The following PITPNC1 variants were observed in gnomAD, a reference collection of about 807,000 sequenced individuals.
The protein encoded by PITPNC1 is cytoplasmic phosphatidylinositol transfer protein 1.
Under a neutral mutation model 44.7 loss-of-function variants are expected in PITPNC1, and 18 were observed. The observed-to-expected ratio is 0.40, with a 90% confidence interval of 0.28 to 0.60. The LOEUF is 0.60. PITPNC1 is among the 20% of genes least tolerant of loss of function. The probability of loss-of-function intolerance (pLI) is 0.39; values close to 1 mark genes in which losing one functional copy is unlikely to be tolerated. For synonymous variants in PITPNC1, 141 were observed against 149.6 expected, an observed-to-expected ratio of 0.94 and a Z score of 0.42; for missense variants, 290 against 418.4, an observed-to-expected ratio of 0.69 and a Z score of 2.68.
intron 1 of PITPNC1, among the ~76,000 whole-genome samples, chr17:67,385,900 C>T (rs944654023): frequency 6.6e-6 from 1 of 152,184 alleles, no homozygotes. Flanking sequence ...GCTGCATTTT[C>T]CCAGTGACTT....
chr17:67,540,002 T>C (rs939592464), intron 2 of PITPNC1, among the ~76,000 whole-genome samples: 1 of 152,096 alleles, frequency 6.6e-6, no homozygotes, highest in African/African-American at 2.4e-5. Context: ...CACCCTCAGG[T>C]TGTGGTTACC....
At chr17:67,447,962 T>G (rs2039123712) in intron 1 of PITPNC1, among the ~76,000 whole-genome samples, 1 of 151,004 alleles carries the variant, frequency 6.6e-6, no homozygotes, top group Non-Finnish European at 1.5e-5. Flanking sequence ...CTTTCTTTCT[T>G]TCAGATGGGG....
chr17:67,547,399 G>T (rs533437023), intron 2 of PITPNC1, among the ~76,000 whole-genome samples: 9 of 152,096 alleles, frequency 5.9e-5, no homozygotes, highest in African/African-American at 2.2e-4. Context: ...GCCTTTAGTC[G>T]CAACTACCAG....
chr17:67,627,830 G>C (rs757281591), intron 5 of PITPNC1, among the ~76,000 whole-genome samples: 2 of 151,972 alleles, frequency 1.3e-5, no homozygotes, highest in Non-Finnish European at 2.9e-5. Flanking sequence ...TGAAAAGCAG[G>C]AATAATATTA....
At chr17:67,440,518 ATT>A (rs1446782733) in intron 1 of PITPNC1, among the ~76,000 whole-genome samples, 2 of 148,474 alleles carry the variant, frequency 1.3e-5, no homozygotes, top group East Asian at 4.0e-4. Context: ...TTATTTATTT[ATT>A]TATTTATTTA....
chr17:67,476,778 C>T (rs1800049154), intron 1 of PITPNC1, among the ~76,000 whole-genome samples: 1 of 152,062 alleles, frequency 6.6e-6, no homozygotes, highest in Non-Finnish European at 1.5e-5. Context: ...AGCCACTGTG[C>T]CTGGCCAGAT....
intron 5 of PITPNC1, among the ~76,000 whole-genome samples, chr17:67,599,843 G>A (rs567361297): frequency 2.2e-4 from 33 of 152,250 alleles, no homozygotes; most frequent in African/African-American, 7.9e-4. Flanking sequence ...GTTCATGTTC[G>A]GGTGTATCTC....
chr17:67,420,886 T>C lies in PITPNC1; in HGVS notation c.48+42684T>C, dbSNP rs886121507. ...TAGCCCTTTACTCATACTAACTATA[T>C]GTGATGGAAGCAAAGTCAGGAATGT... On this transcript the variant is annotated intron_variant, in intron 1 of 8. Transcript: ENST00000581322. Among the ~76,000 whole-genome samples the C allele has an allele frequency of 6.6e-5, 10 of 152,320 alleles. No individual in the cohort carries two copies. In the East Asian group the frequency reaches 1.9e-3, roughly 29 times the overall value.
intron 5 of PITPNC1, among the ~76,000 whole-genome samples, chr17:67,610,543 T>C: frequency 6.6e-6 from 1 of 152,184 alleles, no homozygotes; most frequent in East Asian, 1.9e-4. Flanking sequence ...CATCAGCATT[T>C]TGGGAGGCTG....
In PITPNC1 at chr17:67,662,772, C is replaced by CT. The variant is rs1251921274; in HGVS notation, c.463-6728dup. Reference sequence around the variant, plus strand: ...TGCATGTATCAGTACTTCATTTCTTCTTTTTTTTAAATTTCAACTTTTAGA... The same window carrying CT: ...TGCATGTATCAGTACTTCATTTCTTCTTTTTTTTTAAATTTCAACTTTTAGA... On this transcript the variant is annotated intron_variant, in intron 6 of 8. Coordinates refer to ENST00000581322, the MANE Select transcript of PITPNC1 (RefSeq NM_012417.4). Among the ~76,000 whole-genome samples, 5 of 151,864 alleles carry CT rather than the reference C, an allele frequency of 3.3e-5. No individual in the cohort carries two copies. The South Asian group carries it at 6.2e-4, about 19-fold the overall frequency.
chr17:67,613,955 A>T (rs1275085854), intron 5 of PITPNC1: 1 of 118,930 alleles, frequency 8.4e-6, no homozygotes, highest in African/African-American at 3.1e-5. Context: ...AAAAAAAAAA[A>T]GTAGCCTATA....
At chr17:67,648,465 T>G (rs1384320073) in intron 6 of PITPNC1, among the ~76,000 whole-genome samples, 1 of 152,192 alleles carries the variant, frequency 6.6e-6, no homozygotes, top group East Asian at 1.9e-4. Flanking sequence ...TGTATTAAGG[T>G]GGGGTCCTCT....
intron 1 of PITPNC1, among the ~76,000 whole-genome samples, chr17:67,460,923 G>A (rs1266276803): frequency 2.0e-5 from 3 of 151,064 alleles, no homozygotes; most frequent in African/African-American, 7.3e-5. Context: ...TATATTTTTA[G>A]TAGAGATGAG....
intron 1 of PITPNC1, among the ~76,000 whole-genome samples, chr17:67,477,026 G>A (rs539147088): frequency 3.9e-4 from 59 of 152,288 alleles, no homozygotes; most frequent in African/African-American, 1.1e-3. Flanking sequence ...GAAACTCTGA[G>A]TGTTGCTTTT....
At chr17:67,414,867 C>T (rs541604484) in intron 1 of PITPNC1, among the ~76,000 whole-genome samples, 3 of 152,170 alleles carry the variant, frequency 2.0e-5, no homozygotes, top group African/African-American at 7.2e-5. Flanking sequence ...TGTGTCTTTG[C>T]ACATTCTCTC....
chr17:67,456,820 T>C (rs1460965370), intron 1 of PITPNC1, among the ~76,000 whole-genome samples: 2 of 152,232 alleles, frequency 1.3e-5, no homozygotes, highest in African/African-American at 2.4e-5. Context: ...ATATATACTT[T>C]AGTGCATTTT....
chr17:67,409,454 A>G (rs1205808219), intron 1 of PITPNC1, among the ~76,000 whole-genome samples: 3 of 151,630 alleles, frequency 2.0e-5, no homozygotes, highest in African/African-American at 2.4e-5. Context: ...ATTTTTCCCC[A>G]TTGTATTGTC....
At chr17:67,399,279 C>T (rs1048235836) in intron 1 of PITPNC1, among the ~76,000 whole-genome samples, 2 of 152,110 alleles carry the variant, frequency 1.3e-5, no homozygotes, top group African/African-American at 2.4e-5. Flanking sequence ...TCCCAAAGTG[C>T]TGGGATTACA....
intron 8 of PITPNC1, among the ~76,000 whole-genome samples, chr17:67,689,433 C>G (rs2042881247): frequency 6.6e-6 from 1 of 152,034 alleles, no homozygotes; most frequent in South Asian, 2.1e-4. Flanking sequence ...TTTCCATTAT[C>G]CTTTGGAATT....
Sources: allele counts gnomAD v4.1 joint callset (sites outside exome capture counted in the v4.1 genomes callset), GRCh38; gene constraint gnomAD v4.1.1; transcripts MANE v1.5; gene names NCBI Gene and HGNC (gene_info 2026-07-23, HGNC 2026-07-21).